The following SUPT6H variants were observed in gnomAD, a reference collection of about 807,000 sequenced individuals.
SUPT6H encodes the protein transcription elongation factor SPT6.
In SUPT6H, 11 loss-of-function variants were observed where a neutral mutation model predicts 222.3. That is an observed-to-expected ratio of 0.05 (90% CI 0.03 to 0.08). The LOEUF (loss-of-function observed/expected upper bound fraction) is 0.08. SUPT6H is among the 10% of genes least tolerant of loss of function. The pLI is 1.00. For missense variants in SUPT6H, 1,422 were observed against 2,216.0 expected (o/e 0.64, Z 7.19); for synonymous variants, 762 against 801.2 (o/e 0.95, Z 0.83).
chr17:28,685,935 A>G (rs1389212730), intron 19 of SUPT6H, among the ~76,000 whole-genome samples: 1 of 152,250 alleles, frequency 6.6e-6, no homozygotes, highest in Non-Finnish European at 1.5e-5. Flanking sequence ...GGACATCTTT[A>G]AGATGAAGGA....
Position 28,678,580 on chromosome 17 carries a change from G to A in SUPT6H, c.1152G>A (p.Val384=). 1 of 1,614,136 alleles carries A rather than the reference G, an allele frequency of 6.2e-7. No homozygotes were observed. Residue 384 remains valine (V), a synonymous_variant, in exon 10 of 37, where the codon GTG becomes GTA. Transcript: ENST00000314616. ...PFIAFYRKEY[V]EPELHINDLW... ...TTGCCTTCTATCGAAAGGAGTATGT[G>A]GAGCCTGAGTTGCACATCAATGACC...
rs146070299 is a variant in SUPT6H at position 28,667,518 on chromosome 17, C to CGTGT, written c.-32+5189_-32+5192dup. Among the ~76,000 whole-genome samples, 7 of 117,822 alleles carry CGTGT rather than the reference C, an allele frequency of 5.9e-5. No individual in the cohort carries two copies. The East Asian group carries it at 1.8e-3, about 30-fold the overall frequency. The allele number at this position is 117,822 out of a possible 152,430, so 77.3% of individuals were successfully genotyped here. A position where few individuals can be genotyped will look rare whatever the true frequency, so the allele number is the denominator to read the frequency against. ...GTATATGTGTATATATATATAAATACGTGTGTGTGTGTGTGTTTTATATAT... is the reference window on the plus strand; with the variant it reads ...GTATATGTGTATATATATATAAATACGTGTGTGTGTGTGTGTGTGTTTTATATAT... On this transcript the variant is annotated intron_variant, in intron 1 of 36. Transcript: ENST00000314616.
At chr17:28,697,852 G>T in intron 31 of SUPT6H, 54 bp from the exon 32 acceptor site, 5 of 1,608,862 alleles carry the variant, frequency 3.1e-6, no homozygotes, top group Non-Finnish European at 4.2e-6. Flanking sequence ...TGCACCAGAC[G>T]TTGTGTACCA....
Position 28,687,240 on chromosome 17 carries a change from A to G in SUPT6H, c.2838+15A>G, listed in dbSNP as rs1213283786. 3 of 1,614,032 alleles carry G rather than the reference A, an allele frequency of 1.9e-6. No individual in the cohort carries two copies. Among genetic ancestry groups the G allele is most frequent in the Non-Finnish European group, 2.5e-6 (3 of 1,180,038 alleles). On this transcript the variant is annotated intron_variant, in intron 22 of 36. Coordinates refer to ENST00000314616, the MANE Select transcript of SUPT6H (RefSeq NM_003170.5). ...ACCCCTTGCAGGTGAGTAGGATTTG[A>G]CAGGCAGGCTCGGGTGAAGGGAAAG...
rs1045161489 is a variant in SUPT6H, at chr17:28,688,498, T to C, written c.3134+280T>C. ...AGATTTTGTTCAGTAAACACAAACT[T>C]GCTTTTTTATTATTATGGTTTGTTG... is the stretch of plus-strand genomic sequence containing the variant. On this transcript the variant is annotated intron_variant, in intron 24 of 36. Coordinates refer to ENST00000314616, the MANE Select transcript of SUPT6H (RefSeq NM_003170.5). The surrounding 1 kb of genome is among the most constrained non-coding windows in gnomAD (Gnocchi z 4.3). The C allele has an allele frequency of 1.3e-5, 3 of 239,974 alleles. No individual in the cohort carries two copies. Among genetic ancestry groups the C allele is most frequent in the African/African-American group, 6.8e-5 (3 of 44,076 alleles). The allele number at this position is 239,974 out of a possible 1,614,324, so 14.9% of individuals were successfully genotyped here.
At chr17:28,662,879 C>T (rs1251143388) in intron 1 of SUPT6H, among the ~76,000 whole-genome samples, 2 of 152,206 alleles carry the variant, frequency 1.3e-5, no homozygotes, top group East Asian at 1.9e-4. Flanking sequence ...AAAGCCCGTC[C>T]ATTCTCTATA....
chr17:28,697,889 C>T lies in SUPT6H; in HGVS notation c.4324-17C>T. 6.2e-7 allele frequency: 1 copy of T among 1,613,292 alleles called. No individual in the cohort carries two copies. The highest frequency in any genetic ancestry group is 8.5e-7 in the Non-Finnish European group (1 of 1,179,582). On this transcript the variant is annotated splice_polypyrimidine_tract_variant and intron_variant, in intron 31 of 36. Coordinates refer to ENST00000314616, the MANE Select transcript of SUPT6H (RefSeq NM_003170.5). The stretch of plus-strand genomic sequence containing the variant: ...GCATGCTGCTATCCCAACCTCTCCC[C>T]CTCATTCTACCCCCAGAAATTAGAG...
intron 1 of SUPT6H, 140 bp from the exon 2 acceptor site, chr17:28,673,231 T>G (rs902289447): frequency 1.7e-6 from 1 of 576,062 alleles, no homozygotes. Context: ...CATCAGATTC[T>G]TCTTTTCTTC....
rs750204270 is a variant in SUPT6H at position 28,684,876 on chromosome 17, G to T, written c.2402G>T (p.Gly801Val). ...DHPVFCALVN[G>V]EGEVTDFLRL... ...CCTGTGTTCTGCGCCCTGGTCAATG[G>T]TGAAGGAGAAGTGACAGACTTCCTT... The change falls in exon 19 of 37, where the codon GGT becomes GTT. Residue 801 changes from glycine (G) to valine (V), a missense_variant. Physicochemically the swap from Gly to Val is moderately radical, Grantham distance 109. Around this residue, in one of 13 missense-constraint regions of SUPT6H, gnomAD observed 294 missense variants for 382.1 expected, o/e 0.77. Coordinates refer to ENST00000314616, the MANE Select transcript of SUPT6H (RefSeq NM_003170.5). 1.2e-6 allele frequency: 2 copies of T among 1,614,176 alleles called. No individual in the cohort carries two copies. Among genetic ancestry groups the T allele is most frequent in the Non-Finnish European group, 1.7e-6 (2 of 1,180,040 alleles).
chr17:28,684,999 G>C (rs1393416211), intron 19 of SUPT6H, 38 bp downstream of exon 19: 2 of 1,567,808 alleles, frequency 1.3e-6, no homozygotes, highest in East Asian at 4.5e-5. Context: ...TGTACATCTG[G>C]AGTATGTCTT....
intron 7 of SUPT6H, 109 bp downstream of exon 7, chr17:28,676,539 A>G (rs1284862120): frequency 6.6e-7 from 1 of 1,525,452 alleles, no homozygotes. Context: ...TTTGAACCTC[A>G]TCTCACCTGG....
chr17:28,691,167 C>G, intron 27 of SUPT6H, 104 bp downstream of exon 27: 1 of 1,391,744 alleles, frequency 7.2e-7, no homozygotes, highest in Non-Finnish European at 9.8e-7. Context: ...ATTCTCTCAC[C>G]AAACAAGTAC....
intron 20 of SUPT6H, 47 bp from the exon 21 acceptor site, chr17:28,686,607 T>C (rs752001202): frequency 3.2e-6 from 5 of 1,553,238 alleles, no homozygotes; most frequent in Admixed American, 4.0e-5. Flanking sequence ...CATGAGACTG[T>C]CCATCCCTAA....
chr17:28,695,429 A>G lies in SUPT6H; in HGVS notation c.3852A>G (p.Ser1284=). The part of the protein sequence containing the change: ...KFSADLTCRT[S]DLMDRNNEWK... The stretch of plus-strand genomic sequence containing the variant: ...GTGCAGACCTGACCTGCCGCACCTC[A>G]GACCTCATGGACAGGAACAATGAGT... Residue 1284 remains serine (S), a synonymous_variant, in exon 29 of 37, where the codon TCA becomes TCG. Coordinates refer to ENST00000314616, the MANE Select transcript of SUPT6H (RefSeq NM_003170.5). 6.2e-7 allele frequency: 1 copy of G among 1,614,176 alleles called. No homozygotes were observed. Among genetic ancestry groups the G allele is most frequent in the Non-Finnish European group, 8.5e-7 (1 of 1,180,040 alleles).
intron 11 of SUPT6H, among the ~76,000 whole-genome samples, chr17:28,679,600 T>C (rs960765291): frequency 6.6e-6 from 1 of 151,842 alleles, no homozygotes; most frequent in Non-Finnish European, 1.5e-5. Context: ...CAGGATGGTC[T>C]TGATCTCCTG....
chr17:28,676,178 A>C lies in SUPT6H; in HGVS notation c.645A>C (p.Glu215Asp). The change falls in exon 7 of 37, where the codon GAA becomes GAC. Residue 215 changes from glutamate to aspartate, a missense_variant. By Grantham distance (45) the Glu-to-Asp change is conservative. Transcript: ENST00000314616. ...ACAGGGCCCTGCAAGAAGCCCAGGA[A>C]ATCTTCGGTGTGGACTTTGACTATG... ...YTDAALQEAQEIFGVDFDYDE... is the reference protein window; with the variant it reads ...YTDAALQEAQDIFGVDFDYDE... The C allele has an allele frequency of 6.3e-7, 1 of 1,599,868 alleles. No homozygotes were observed. Among genetic ancestry groups the C allele is most frequent in the Non-Finnish European group, 8.5e-7 (1 of 1,173,224 alleles).
At chr17:28,663,293 C>T (rs1039743729) in intron 1 of SUPT6H, among the ~76,000 whole-genome samples, 1 of 152,156 alleles carries the variant, frequency 6.6e-6, no homozygotes, top group Non-Finnish European at 1.5e-5. Flanking sequence ...AATTTAGAGC[C>T]CTTTTTTACG....
rs1228885081 is a variant in SUPT6H at position 28,682,966 on chromosome 17, G to C, written c.1752G>C (p.Val584=). 1 of 1,613,042 alleles carries C rather than the reference G, an allele frequency of 6.2e-7. No individual in the cohort carries two copies. The highest frequency in any genetic ancestry group is 1.3e-5 in the African/African-American group (1 of 75,010). The change falls in exon 15 of 37, where the codon GTG becomes GTC. Residue 584 remains valine, a synonymous_variant. Coordinates refer to ENST00000314616, the MANE Select transcript of SUPT6H (RefSeq NM_003170.5). ...VCSQFPTPEA[V]LEGARYMVAL... is the part of the protein sequence containing the mutation. ...GCCAGTTCCCTACTCCAGAAGCTGT[G>C]CTAGAAGGCGCCCGCTACATGGTAG...
chr17:28,690,014 C>T (rs780984469), intron 25 of SUPT6H, 68 bp from the exon 26 acceptor site: 16 of 1,549,348 alleles, frequency 1.0e-5, no homozygotes, highest in Non-Finnish European at 1.4e-5. Flanking sequence ...CCGCCCCTTC[C>T]ACGGGACTCC....
Sources: allele counts gnomAD v4.1 joint callset (sites outside exome capture counted in the v4.1 genomes callset), GRCh38; gene constraint gnomAD v4.1.1; regional missense constraint gnomAD v4.1.1; non-coding constraint Gnocchi (gnomAD v3.1); transcripts MANE v1.5; gene names NCBI Gene and HGNC (gene_info 2026-07-23, HGNC 2026-07-21).